Variants in RSU1 observed in about 807,000 individuals in gnomAD.
The protein encoded by RSU1 is rsu-1.
Under a neutral mutation model 31.1 loss-of-function variants are expected in RSU1, and 26 were observed. The observed-to-expected ratio is 0.84, with a 90% confidence interval of 0.61 to 1.16. The LOEUF is 1.16. Among genes scored for constraint, RSU1 ranks in the 50% most tolerant of loss-of-function variants. The pLI is 0.00. For missense variants in RSU1, 320 were observed against 339.1 expected (o/e 0.94, Z 0.44); for synonymous variants, 164 against 136.3 (o/e 1.20, Z -1.41).
chr10:16,614,512 T>A (rs1331161323), intron 8 of RSU1, among the ~76,000 whole-genome samples: 1 of 152,106 alleles, frequency 6.6e-6, no homozygotes, highest in African/African-American at 2.4e-5. Flanking sequence ...AGAGTATCAA[T>A]GGATTGTTTG....
At chr10:16,671,654 T>C (rs1835107241) in intron 8 of RSU1, among the ~76,000 whole-genome samples, 1 of 151,834 alleles carries the variant, frequency 6.6e-6, no homozygotes. Context: ...TGAGATGGAG[T>C]CTCACTCTGT....
At chr10:16,608,793 A>AAAAT (rs1564284650) in intron 8 of RSU1, among the ~76,000 whole-genome samples, 1 of 152,136 alleles carries the variant, frequency 6.6e-6, no homozygotes. Context: ...AAAGTTTAAA[A>AAAAT]AAATACTTGT....
chr10:16,637,991 G>C (rs999731833), intron 8 of RSU1, among the ~76,000 whole-genome samples: 9 of 152,094 alleles, frequency 5.9e-5, no homozygotes, highest in Admixed American at 3.3e-4. Flanking sequence ...ATCATCATCT[G>C]TTGCATTTTT....
chr10:16,708,215 T>C (rs1835943705), intron 7 of RSU1, among the ~76,000 whole-genome samples: 1 of 152,206 alleles, frequency 6.6e-6, no homozygotes. Context: ...ACATAGTCAA[T>C]TAACATATTT....
chr10:16,681,612 G>C (rs1835329701), intron 8 of RSU1, among the ~76,000 whole-genome samples: 1 of 152,048 alleles, frequency 6.6e-6, no homozygotes. Context: ...GAAAAATAAA[G>C]AACTGAGGAT....
chr10:16,661,311 T>C (rs1206511283), intron 8 of RSU1, among the ~76,000 whole-genome samples: 2 of 151,548 alleles, frequency 1.3e-5, no homozygotes, highest in African/African-American at 4.9e-5. Flanking sequence ...TGTGTGTGTG[T>C]GTGTGTGTGT....
At chr10:16,791,396 G>A (rs892072214) in intron 2 of RSU1, among the ~76,000 whole-genome samples, 2 of 152,110 alleles carry the variant, frequency 1.3e-5, no homozygotes, top group African/African-American at 4.8e-5. Flanking sequence ...CACTTTCGGA[G>A]GCCGAGGTGG....
At chr10:16,697,392 G>A (rs888343006) in intron 7 of RSU1, among the ~76,000 whole-genome samples, 2 of 152,168 alleles carry the variant, frequency 1.3e-5, no homozygotes, top group Non-Finnish European at 2.9e-5. Flanking sequence ...AGTGGTGGCT[G>A]ATGCCTATAA....
At chr10:16,634,717 G>T (rs1478811326) in intron 8 of RSU1, among the ~76,000 whole-genome samples, 1 of 152,148 alleles carries the variant, frequency 6.6e-6, no homozygotes, top group African/African-American at 2.4e-5. Flanking sequence ...AAAGAATGTG[G>T]GGTCTGGAAG....
chr10:16,645,669 G>A (rs1215086735), intron 8 of RSU1, among the ~76,000 whole-genome samples: 2 of 151,306 alleles, frequency 1.3e-5, no homozygotes, highest in South Asian at 2.1e-4. Flanking sequence ...TTAGCCAGGC[G>A]TGTGGCGCAC....
chr10:16,596,904 G>A (rs1451298899), intron 8 of RSU1, among the ~76,000 whole-genome samples: 1 of 152,118 alleles, frequency 6.6e-6, no homozygotes, highest in Non-Finnish European at 1.5e-5. Context: ...TGTATTTTTA[G>A]TAGAGAGGGG....
At chr10:16,779,222 G>A (rs550508160) in intron 3 of RSU1, among the ~76,000 whole-genome samples, 1 of 152,286 alleles carries the variant, frequency 6.6e-6, no homozygotes, top group East Asian at 1.9e-4. Flanking sequence ...CACCATAATA[G>A]TCTTGGAGCA....
chr10:16,631,330 C>A (rs932944329), intron 8 of RSU1, among the ~76,000 whole-genome samples: 1 of 152,194 alleles, frequency 6.6e-6, no homozygotes, highest in Non-Finnish European at 1.5e-5. Context: ...AAGCCCAGGG[C>A]GCACTGGCAC....
intron 7 of RSU1, among the ~76,000 whole-genome samples, chr10:16,746,619 G>C (rs1402053182): frequency 1.4e-5 from 2 of 147,436 alleles, no homozygotes; most frequent in South Asian, 2.2e-4. Context: ...AAATGGAATA[G>C]AAAACTGCTA....
chr10:16,704,232 T>A (rs940371153), intron 7 of RSU1, among the ~76,000 whole-genome samples: 1 of 152,212 alleles, frequency 6.6e-6, no homozygotes, highest in Admixed American at 6.5e-5. Flanking sequence ...GAATCATCAT[T>A]ATCATAATAA....
intron 2 of RSU1, among the ~76,000 whole-genome samples, chr10:16,789,555 T>C (rs1837869223): frequency 6.6e-6 from 1 of 152,152 alleles, no homozygotes; most frequent in Non-Finnish European, 1.5e-5. Flanking sequence ...GTGAGTCTTG[T>C]ATGGAAACTG....
At chr10:16,606,590 C>T (rs1833809445) in intron 8 of RSU1, among the ~76,000 whole-genome samples, 1 of 152,186 alleles carries the variant, frequency 6.6e-6, no homozygotes. Context: ...CTGGTCATCA[C>T]CAGGGCAGGA....
chr10:16,658,200 G>A (rs183746735), intron 8 of RSU1, among the ~76,000 whole-genome samples: 8 of 152,074 alleles, frequency 5.3e-5, no homozygotes, highest in African/African-American at 1.9e-4. Flanking sequence ...ATGTCAATTT[G>A]TCAATTTCCA....
At chr10:16,792,958 C>T (rs536586581) in intron 2 of RSU1, among the ~76,000 whole-genome samples, 2 of 152,200 alleles carry the variant, frequency 1.3e-5, no homozygotes, top group Non-Finnish European at 2.9e-5. Flanking sequence ...CTGCCCATGT[C>T]GCATGGCTGA....
Sources: allele counts gnomAD v4.1 joint callset (sites outside exome capture counted in the v4.1 genomes callset), GRCh38; gene constraint gnomAD v4.1.1; transcripts MANE v1.5; gene names NCBI Gene and HGNC (gene_info 2026-07-23, HGNC 2026-07-21).